FOXN3: variants seen among roughly 807,000 people sequenced by gnomAD.
FOXN3 encodes the protein forkhead box N3.
A neutral mutation model predicts 38.4 loss-of-function variants in FOXN3; 7 were observed. The observed-to-expected ratio is 0.18, with a 90% CI of 0.10 to 0.34. FOXN3 has a LOEUF of 0.34. FOXN3 is among the 10% of genes least tolerant of loss of function. FOXN3 has a pLI of 1.00. For synonymous variants in FOXN3, 230 were observed against 242.2 expected, an observed-to-expected ratio of 0.95 and a Z score of 0.47; for missense variants, 456 against 613.4, an observed-to-expected ratio of 0.74 and a Z score of 2.71.
chr14:89,297,230 C>T (rs181780569), intron 3 of FOXN3, among the ~76,000 whole-genome samples: 84 of 152,216 alleles, frequency 5.5e-4, no homozygotes, highest in Non-Finnish European at 1.1e-3. Context: ...TAAAATGGTG[C>T]AGGCACTCTG....
At chr14:89,215,744 G>A (rs1490652817) in intron 4 of FOXN3, among the ~76,000 whole-genome samples, 1 of 152,204 alleles carries the variant, frequency 6.6e-6, no homozygotes, top group Admixed American at 6.5e-5. Context: ...TCTGCAGTGT[G>A]GCAGTCAGGA....
chr14:89,502,307 G>A (rs1370953600), intron 1 of FOXN3, among the ~76,000 whole-genome samples: 1 of 152,200 alleles, frequency 6.6e-6, no homozygotes, highest in South Asian at 2.1e-4. Context: ...GAGAGACAAG[G>A]TGCAGGATTA....
chr14:89,192,900 C>CTGTGGCTCCCACTGCCCT (rs1566925686), intron 4 of FOXN3, among the ~76,000 whole-genome samples: 1 of 151,336 alleles, frequency 6.6e-6, no homozygotes, highest in African/African-American at 2.4e-5. Flanking sequence ...CCCACTGCCC[C>CTGTGGCTCCCACTGCCCT]GGGTCCCTTG....
chr14:89,482,573 C>T (rs1170143143), intron 1 of FOXN3, among the ~76,000 whole-genome samples: 1 of 151,398 alleles, frequency 6.6e-6, no homozygotes, highest in Non-Finnish European at 1.5e-5. Flanking sequence ...ATGATCACGC[C>T]ACTGCACTCC....
At chr14:89,260,346 G>A (rs554468240) in intron 4 of FOXN3, among the ~76,000 whole-genome samples, 5 of 152,232 alleles carry the variant, frequency 3.3e-5, no homozygotes, top group African/African-American at 1.2e-4. Flanking sequence ...GATCACTCCC[G>A]GTGAGGCCAG....
intron 4 of FOXN3, among the ~76,000 whole-genome samples, chr14:89,254,013 C>A (rs991007082): frequency 2.6e-5 from 4 of 152,092 alleles, no homozygotes; most frequent in African/African-American, 9.7e-5. Flanking sequence ...TTTTTTTAAT[C>A]CCTGGTCAAG....
At chr14:89,611,805 C>CAAAA (rs56373132) in intron 1 of FOXN3, among the ~76,000 whole-genome samples, 8 of 89,266 alleles carry the variant, frequency 9.0e-5, no homozygotes, top group African/African-American at 2.0e-4. Flanking sequence ...GACTCCGTCT[C>CAAAA]AAAAAAAAAA....
intron 1 of FOXN3, among the ~76,000 whole-genome samples, chr14:89,433,097 G>A (rs1354154063): frequency 6.6e-6 from 1 of 152,216 alleles, no homozygotes; most frequent in African/African-American, 2.4e-5. Flanking sequence ...GCTCACACCT[G>A]TAATCCTTTG....
chr14:89,235,056 T>G (rs1884940796), intron 4 of FOXN3, among the ~76,000 whole-genome samples: 1 of 152,196 alleles, frequency 6.6e-6, no homozygotes, highest in African/African-American at 2.4e-5. Context: ...TATGGTCACT[T>G]CTGCCCACTC....
intron 1 of FOXN3, among the ~76,000 whole-genome samples, chr14:89,445,036 C>T (rs1229911629): frequency 2.6e-5 from 4 of 151,970 alleles, no homozygotes; most frequent in African/African-American, 7.3e-5. Context: ...AATGGGAGAT[C>T]GCTTGAGCCC....
chr14:89,326,991 C>T (rs12587090), intron 3 of FOXN3, among the ~76,000 whole-genome samples: 29,343 of 152,080 alleles, frequency 0.19, 3,055 homozygotes, highest in African/African-American at 0.27. Context: ...TGCTCACACA[C>T]GCACCACCCA....
chr14:89,358,483 T>C (rs1889326759), intron 2 of FOXN3, among the ~76,000 whole-genome samples: 1 of 152,164 alleles, frequency 6.6e-6, no homozygotes, highest in Non-Finnish European at 1.5e-5. Context: ...CCATCCGTAA[T>C]AAGAACACAT....
At position 89,280,946 on chromosome 14, in the gene FOXN3, C is replaced by A. The variant is rs149844009; in HGVS notation, c.745+4G>T. 7.6e-5 allele frequency: 122 copies of A among 1,613,296 alleles called. No individual in the cohort carries two copies. Among genetic ancestry groups the A allele is most frequent in the Non-Finnish European group, 1.0e-4 (121 of 1,179,574 alleles). On this transcript the variant is annotated splice_donor_region_variant and intron_variant, in intron 4 of 5. Transcript: ENST00000557258. Reference sequence around the variant, plus strand: ...GAGAGGAAGGGGTGTTACTAGGGACCTACCTTGGAGAAGGGCTCCATTTCT... The same window carrying A: ...GAGAGGAAGGGGTGTTACTAGGGACATACCTTGGAGAAGGGCTCCATTTCT...
chr14:89,235,512 C>A lies in FOXN3; in HGVS notation c.745+45438G>T, dbSNP rs559197461. On this transcript the variant is annotated intron_variant, in intron 4 of 5. Coordinates refer to ENST00000557258, the MANE Select transcript of FOXN3 (RefSeq NM_005197.4). Reference sequence around the variant, plus strand: ...TCTTTGGAACTGTGAAATGCTTCATCTGTGGGGTCCTGGCAATCATGGCAG... The same window carrying A: ...TCTTTGGAACTGTGAAATGCTTCATATGTGGGGTCCTGGCAATCATGGCAG... 3.3e-5 allele frequency among the ~76,000 whole-genome samples: 5 copies of A among 152,330 alleles called. No individual in the cohort carries two copies. In the South Asian group the frequency reaches 1.0e-3, roughly 32 times the overall value.
intron 1 of FOXN3, among the ~76,000 whole-genome samples, chr14:89,435,829 C>A (rs1013404165): frequency 6.6e-6 from 1 of 152,148 alleles, no homozygotes; most frequent in Non-Finnish European, 1.5e-5. Flanking sequence ...TACAGCAAAG[C>A]CTCCCAATGG....
intron 1 of FOXN3, among the ~76,000 whole-genome samples, chr14:89,607,490 T>C (rs1896297181): frequency 6.8e-6 from 1 of 147,144 alleles, no homozygotes; most frequent in Non-Finnish European, 1.5e-5. Context: ...ACTCGGGAGA[T>C]GGGGGTTGCA....
intron 3 of FOXN3, among the ~76,000 whole-genome samples, chr14:89,292,127 T>C (rs1218343426): frequency 1.3e-5 from 2 of 152,172 alleles, no homozygotes; most frequent in African/African-American, 2.4e-5. Context: ...GGCTCCATTA[T>C]TTCTGCCTGC....
chr14:89,422,698 G>A (rs546994033), intron 1 of FOXN3, among the ~76,000 whole-genome samples: 1 of 152,250 alleles, frequency 6.6e-6, no homozygotes, highest in African/African-American at 2.4e-5. Flanking sequence ...TGAACTTTCT[G>A]GTCACCGTCT....
At chr14:89,470,709 C>G (rs749306963) in intron 1 of FOXN3, among the ~76,000 whole-genome samples, 10 of 152,180 alleles carry the variant, frequency 6.6e-5, no homozygotes, top group Non-Finnish European at 1.2e-4. Context: ...ACTAAGGCCC[C>G]CATGGAACGC....
Sources: allele counts gnomAD v4.1 joint callset (sites outside exome capture counted in the v4.1 genomes callset), GRCh38; gene constraint gnomAD v4.1.1; transcripts MANE v1.5; gene names NCBI Gene and HGNC (gene_info 2026-07-23, HGNC 2026-07-21).